Variants in HFM1 observed in about 807,000 individuals in gnomAD.
HFM1 encodes probable ATP-dependent DNA helicase HFM1.
In HFM1, 169 loss-of-function variants were observed where a neutral mutation model predicts 192.1. The ratio of observed to expected loss-of-function variants is 0.88; its 90% CI spans 0.78 to 1.00. The LOEUF (loss-of-function observed/expected upper bound fraction) is 1.00, where lower values mean the gene tolerates loss of function less well. HFM1 is among the 50% of genes least tolerant of loss of function. The pLI, the probability that HFM1 is intolerant of heterozygous loss-of-function variation, is 0.00. For missense variants in HFM1, 1,661 were observed against 1,668.0 expected, an observed-to-expected ratio of 1.00 and a Z score of 0.07; for synonymous variants, 525 against 537.8, an observed-to-expected ratio of 0.98 and a Z score of 0.33.
At chr1:91,280,747 A>G (rs888894372) in intron 30 of HFM1, among the ~76,000 whole-genome samples, 16 of 152,152 alleles carry the variant, frequency 1.1e-4, no homozygotes, top group Admixed American at 7.2e-4. Flanking sequence ...CCCACCACTC[A>G]TGTTGTCTGT....
At chr1:91,315,742 T>A in intron 28 of HFM1, 73 bp downstream of exon 28, 1 of 1,094,262 alleles carries the variant, frequency 9.1e-7, no homozygotes, top group Non-Finnish European at 1.3e-6. Context: ...CTTGTTATTT[T>A]TTTTTCAGTA....
intron 30 of HFM1, among the ~76,000 whole-genome samples, chr1:91,312,039 A>G (rs1209678727): frequency 6.6e-6 from 1 of 152,190 alleles, no homozygotes; most frequent in African/African-American, 2.4e-5. Flanking sequence ...GAAGTCAAGA[A>G]TCGAGGTTTG....
intron 7 of HFM1, 40 bp downstream of exon 7, chr1:91,380,872 T>G (rs1439554480): frequency 4.2e-6 from 4 of 953,384 alleles, no homozygotes; most frequent in East Asian, 2.4e-5. Context: ...CATAACCTAG[T>G]GAAAGGTAGA....
chr1:91,323,498 A>G (rs1652438216), intron 21 of HFM1, among the ~76,000 whole-genome samples: 1 of 152,192 alleles, frequency 6.6e-6, no homozygotes, highest in African/African-American at 2.4e-5. Flanking sequence ...TGCCTATCAC[A>G]TAGTAATAAA....
intron 36 of HFM1, among the ~76,000 whole-genome samples, chr1:91,265,638 C>T (rs892781631): frequency 2.7e-4 from 41 of 152,192 alleles, no homozygotes; most frequent in African/African-American, 7.0e-4. Flanking sequence ...CACGGGATAC[C>T]TTTTCAAGCC....
Position 91,347,428 on chromosome 1 carries a change from C to T in HFM1, c.2254+1G>A. The T allele has an allele frequency of 6.4e-7, 1 of 1,563,424 alleles. No individual in the cohort carries two copies. The highest frequency in any genetic ancestry group is 8.7e-7 in the Non-Finnish European group (1 of 1,144,244). On this transcript the variant is annotated splice_donor_variant, in intron 19 of 38. Transcript: ENST00000370425. LOFTEE classifies it high-confidence loss of function. ...AATTTTTAGAATGAAATGCATCTAA[C>T]CTTGTAATTTTGCTTCAATTCCATC... is the stretch of plus-strand genomic sequence containing the variant.
chr1:91,263,366 A>G (rs1665351023), intron 36 of HFM1, among the ~76,000 whole-genome samples: 1 of 152,186 alleles, frequency 6.6e-6, no homozygotes, highest in African/African-American at 2.4e-5. Flanking sequence ...AGAATCACAT[A>G]TACTGATAGA....
At chr1:91,305,331 CTTT>C (rs1649440395) in intron 30 of HFM1, among the ~76,000 whole-genome samples, 1 of 152,146 alleles carries the variant, frequency 6.6e-6, no homozygotes, top group African/African-American at 2.4e-5. Flanking sequence ...TTTAGAACTT[CTTT>C]AATTTATTTC....
At chr1:91,294,321 A>G (rs1669149111) in intron 30 of HFM1, among the ~76,000 whole-genome samples, 1 of 152,178 alleles carries the variant, frequency 6.6e-6, no homozygotes, top group African/African-American at 2.4e-5. Flanking sequence ...AACACAATTC[A>G]AACCATGAGA....
chr1:91,349,961 G>A (rs992825203), intron 18 of HFM1, among the ~76,000 whole-genome samples: 2 of 152,174 alleles, frequency 1.3e-5, no homozygotes, highest in African/African-American at 4.8e-5. Context: ...CAGAACTAGG[G>A]GAAGGAAAGG....
chr1:91,305,112 C>T (rs950375608), intron 30 of HFM1, among the ~76,000 whole-genome samples: 1 of 151,890 alleles, frequency 6.6e-6, no homozygotes, highest in African/African-American at 2.4e-5. Flanking sequence ...AGTCCTCTAC[C>T]TTCCTTCTTT....
chr1:91,293,055 A>G (rs1057395202), intron 30 of HFM1, among the ~76,000 whole-genome samples: 1 of 152,214 alleles, frequency 6.6e-6, no homozygotes, highest in Non-Finnish European at 1.5e-5. Flanking sequence ...AATTAATTCA[A>G]GATGGATTAA....
At chr1:91,316,262 C>A in intron 26 of HFM1, 78 bp from the exon 27 acceptor site, 1 of 1,032,396 alleles carries the variant, frequency 9.7e-7, no homozygotes, top group African/African-American at 1.6e-5. Flanking sequence ...GAATAAATAG[C>A]TTTAATAATG....
In HFM1 at chr1:91,287,226, A is replaced by G. The variant is rs682161; in HGVS notation, c.3392-10164T>C. ...GGGGGCAGCGCACAGGCAAACAAAA[A>G]GACAGCAGTAACCTCTGCAGACTTA... On this transcript the variant is annotated intron_variant, in intron 30 of 38. Transcript: ENST00000370425. 4.5e-3 allele frequency among the ~76,000 whole-genome samples: 692 copies of G among 152,348 alleles called. 9 individuals are homozygous for G. The highest frequency in any genetic ancestry group is 0.016 in the African/African-American group (661 of 41,574).
chr1:91,313,917 A>C (rs956480378), intron 29 of HFM1, 40 bp downstream of exon 29: 1 of 1,076,738 alleles, frequency 9.3e-7, no homozygotes, highest in African/African-American at 1.6e-5. Flanking sequence ...ATGCAATTAT[A>C]TTATTTATAT....
intron 1 of HFM1, among the ~76,000 whole-genome samples, chr1:91,401,511 T>C (rs1200742381): frequency 6.6e-6 from 1 of 152,242 alleles, no homozygotes. Flanking sequence ...ACCATTATTT[T>C]CAAGTTAGGA....
Position 91,378,065 on chromosome 1 carries a change from C to G in HFM1, c.1355G>C (p.Arg452Pro). Residue 452 changes from arginine to proline, a missense_variant, in exon 11 of 39, where the codon CGA becomes CCA. Arg to Pro is a moderately radical substitution (Grantham distance 103). Transcript: ENST00000370425. ...LKNTSTAIPM[R>P]FVAVSATIPN... Reference sequence around the variant, plus strand: ...AATTGTTGCAGATACAGCTACAAATCGCATTGGAATAGCAGTGCTGGTATT... The same window carrying G: ...AATTGTTGCAGATACAGCTACAAATGGCATTGGAATAGCAGTGCTGGTATT... 6.2e-7 allele frequency: 1 copy of G among 1,612,096 alleles called. No individual in the cohort carries two copies. The highest frequency in any genetic ancestry group is 8.5e-7 in the Non-Finnish European group (1 of 1,178,792).
chr1:91,401,737 C>T (rs1343377270), intron 1 of HFM1, among the ~76,000 whole-genome samples: 1 of 152,038 alleles, frequency 6.6e-6, no homozygotes, highest in Non-Finnish European at 1.5e-5. Flanking sequence ...ACAAGTTTAA[C>T]ATACATATGC....
intron 23 of HFM1, among the ~76,000 whole-genome samples, chr1:91,322,088 T>C (rs561684423): frequency 2.7e-4 from 41 of 152,186 alleles, no homozygotes; most frequent in Non-Finnish European, 5.4e-4. Flanking sequence ...TAAGGATATA[T>C]GAATTTATAG....
Sources: allele counts gnomAD v4.1 joint callset (sites outside exome capture counted in the v4.1 genomes callset), GRCh38; gene constraint gnomAD v4.1.1; transcripts MANE v1.5; gene names NCBI Gene and HGNC (gene_info 2026-07-23, HGNC 2026-07-21).